PLA2G4C: variants seen among roughly 807,000 people sequenced by gnomAD.
PLA2G4C encodes the protein cytosolic phospholipase A2 gamma.
Under a neutral mutation model 73.8 loss-of-function variants are expected in PLA2G4C, and 64 were observed. That is an observed-to-expected ratio of 0.87 (90% CI 0.71 to 1.07). The LOEUF (loss-of-function observed/expected upper bound fraction) is 1.07, where lower values mean the gene tolerates loss of function less well. PLA2G4C is among the 50% of genes least tolerant of loss of function. The pLI, the probability that PLA2G4C is intolerant of heterozygous loss-of-function variation, is 0.00. For synonymous variants in PLA2G4C, 254 were observed against 252.1 expected (o/e 1.01, Z -0.07); for missense variants, 622 against 665.4 (o/e 0.93, Z 0.72).
At chr19:48,050,571 C>T (rs1204246465) in intron 16 of PLA2G4C, among the ~76,000 whole-genome samples, 1 of 151,940 alleles carries the variant, frequency 6.6e-6, no homozygotes, top group African/African-American at 2.4e-5. Flanking sequence ...CAACTCTTCC[C>T]CTGGCTTCTG....
In PLA2G4C at chr19:48,110,604, G is replaced by C. The variant is rs528250059; in HGVS notation, c.-150C>G. On this transcript the variant is annotated 5_prime_UTR_variant, in exon 1 of 17. Coordinates refer to ENST00000599921, the MANE Select transcript of PLA2G4C (RefSeq NM_003706.3). ...TAGTCGCTGGACAGCTCCTTCAGCC[G>C]GAATCTCCGCGGGTGAAGACTGCGG... The C allele has an allele frequency of 3.6e-6, 2 of 548,982 alleles. No homozygotes were observed. The highest frequency in any genetic ancestry group is 4.8e-6 in the Non-Finnish European group (2 of 413,426). 34.0% of individuals were successfully genotyped at this position (548,982 alleles called of 1,614,324 possible). A position where few individuals can be genotyped will look rare whatever the true frequency, so the allele number is the denominator to read the frequency against.
chr19:48,052,073 G>C (rs1967749466), intron 16 of PLA2G4C: 1 of 151,728 alleles, frequency 6.6e-6, no homozygotes, highest in African/African-American at 2.4e-5. Context: ...TAGAGACTTG[G>C]TCTCACTATG....
chr19:48,090,507 C>T, intron 7 of PLA2G4C, 90 bp from the exon 8 acceptor site: 1 of 917,574 alleles, frequency 1.1e-6, no homozygotes, highest in Admixed American at 1.7e-5. Flanking sequence ...TGGCATAAAG[C>T]ACTGCAGGGA....
chr19:48,104,855 G>T, intron 3 of PLA2G4C, 131 bp from the exon 4 acceptor site: 1 of 810,732 alleles, frequency 1.2e-6, no homozygotes, highest in South Asian at 1.8e-5. Context: ...GGCCGAGGCA[G>T]GTGGATCACT....
At chr19:48,065,520 G>A (rs965724564) in intron 13 of PLA2G4C, among the ~76,000 whole-genome samples, 2 of 152,010 alleles carry the variant, frequency 1.3e-5, no homozygotes, top group African/African-American at 2.4e-5. Flanking sequence ...GGAGGCTGAG[G>A]TGGTGGTTGC....
chr19:48,055,941 T>C (rs905720865), intron 14 of PLA2G4C, among the ~76,000 whole-genome samples: 1 of 152,118 alleles, frequency 6.6e-6, no homozygotes, highest in African/African-American at 2.4e-5. Flanking sequence ...TACTTTTCAA[T>C]TGTCTACTTG....
intron 13 of PLA2G4C, among the ~76,000 whole-genome samples, chr19:48,066,219 A>G (rs557465332): frequency 1.3e-5 from 2 of 152,228 alleles, no homozygotes; most frequent in South Asian, 4.1e-4. Context: ...TTTTCAGGTT[A>G]ACTTTGGAGT....
rs1181623158 is a variant in PLA2G4C at position 48,058,711 on chromosome 19, A to T, written c.1257+3287T>A. Among the ~76,000 whole-genome samples, 4 of 150,972 alleles carry T rather than the reference A, an allele frequency of 2.6e-5. No individual in the cohort carries two copies. In the South Asian group the frequency reaches 8.4e-4, roughly 32 times the overall value. ...CGGGCGCCTGTAATCCCAGCTACTC[A>T]GGAGGCTGAGGCAAGAGAATCACTT... On this transcript the variant is annotated intron_variant, in intron 14 of 16. Transcript: ENST00000599921.
At position 48,074,785 on chromosome 19, in the gene PLA2G4C, C is replaced by T. The variant is rs371214328; in HGVS notation, c.988G>A (p.Glu330Lys). 4 of 1,613,054 alleles carry T rather than the reference C, an allele frequency of 2.5e-6. No homozygotes were observed. In the African/African-American group the frequency reaches 5.3e-5, roughly 22 times the overall value. Reference sequence around the variant, plus strand: ...ATGGTACCTTTCCTTTCGGGGTCCTCATGGGGCTGCTCCTGCTTTTCCAGG... The same window carrying T: ...ATGGTACCTTTCCTTTCGGGGTCCTTATGGGGCTGCTCCTGCTTTTCCAGG... ...TSLEKQEQPH[E>K]DPERKGSLSN... Residue 330 changes from glutamate (E) to lysine (K), a missense_variant, in exon 12 of 17, where the codon GAG (glutamate) becomes AAG (lysine). Physicochemically the swap from Glu to Lys is moderately conservative, Grantham distance 56 (BLOSUM62 1). Coordinates refer to ENST00000599921, the MANE Select transcript of PLA2G4C (RefSeq NM_003706.3).
At chr19:48,109,805 A>G (rs1170503592) in intron 1 of PLA2G4C, among the ~76,000 whole-genome samples, 1 of 151,648 alleles carries the variant, frequency 6.6e-6, no homozygotes, top group African/African-American at 2.4e-5. Context: ...GCCCGCCACC[A>G]CGCCCAGCTA....
At chr19:48,081,746 T>A (rs1206330659) in intron 10 of PLA2G4C, among the ~76,000 whole-genome samples, 1 of 120,854 alleles carries the variant, frequency 8.3e-6, no homozygotes, top group Admixed American at 8.7e-5. Context: ...GCAACAAGAG[T>A]GAAATTCCGT....
At chr19:48,049,878 C>T (rs2122406977) in intron 16 of PLA2G4C, among the ~76,000 whole-genome samples, 1 of 152,260 alleles carries the variant, frequency 6.6e-6, no homozygotes, top group South Asian at 2.1e-4. Flanking sequence ...TTCCAGCCTC[C>T]AGAACTGTGA....
chr19:48,064,085 G>A (rs1272514059), intron 13 of PLA2G4C, among the ~76,000 whole-genome samples: 1 of 152,052 alleles, frequency 6.6e-6, no homozygotes, highest in Non-Finnish European at 1.5e-5. Flanking sequence ...AAAAACATGG[G>A]GAGATGTGCT....
intron 6 of PLA2G4C, 45 bp downstream of exon 6, chr19:48,098,094 G>T: frequency 1.2e-6 from 2 of 1,602,706 alleles, no homozygotes; most frequent in South Asian, 1.1e-5. Flanking sequence ...ACTCCGTGCT[G>T]TTCCATCCCT....
intron 13 of PLA2G4C, chr19:48,065,044 A>G (rs1968355455): frequency 6.6e-6 from 1 of 152,172 alleles, no homozygotes; most frequent in African/African-American, 2.4e-5. Context: ...ACTCTGGAAA[A>G]TATTTGAAGA....
intron 12 of PLA2G4C, among the ~76,000 whole-genome samples, chr19:48,071,336 G>A (rs62129317): frequency 0.046 from 7,072 of 152,192 alleles, 214 homozygotes; most frequent in Non-Finnish European, 0.07. Flanking sequence ...TGTTGCCCAG[G>A]CTGGAGTGCA....
intron 10 of PLA2G4C, among the ~76,000 whole-genome samples, chr19:48,082,496 C>CTTTTTTTTTTTTTTTTTTTTTTTTTTTTT (rs66641645): frequency 2.6e-4 from 28 of 106,280 alleles, no homozygotes; most frequent in Middle Eastern, 5.3e-3. Flanking sequence ...TTCTTTCTTT[C>CTTTTTTTTTTTTTTTTTTTTTTTTTTTTT]TTTTTTTTTT....
intron 16 of PLA2G4C, among the ~76,000 whole-genome samples, chr19:48,048,823 C>A (rs1489404054): frequency 6.6e-6 from 1 of 152,144 alleles, no homozygotes; most frequent in Non-Finnish European, 1.5e-5. Context: ...TCGTCCCCTC[C>A]AAATCTCATG....
At chr19:48,054,560 C>G (rs995084853) in intron 15 of PLA2G4C, among the ~76,000 whole-genome samples, 3 of 152,008 alleles carry the variant, frequency 2.0e-5, no homozygotes, top group Non-Finnish European at 4.4e-5. Flanking sequence ...TGTGATCCGC[C>G]CGCCTCAGCC....
Sources: allele counts gnomAD v4.1 joint callset (sites outside exome capture counted in the v4.1 genomes callset), GRCh38; gene constraint gnomAD v4.1.1; transcripts MANE v1.5; gene names NCBI Gene and HGNC (gene_info 2026-07-23, HGNC 2026-07-21).